The following ZDHHC17 variants were observed in gnomAD, a reference collection of about 807,000 sequenced individuals.
ZDHHC17 encodes the protein zDHHC palmitoyltransferase 17.
ZDHHC17 carries 40 observed loss-of-function variants against 90.3 expected under a neutral mutation model. The observed-to-expected ratio is 0.44, with a 90% CI of 0.34 to 0.58. ZDHHC17 has a LOEUF of 0.58. ZDHHC17 is among the 20% of genes least tolerant of loss of function. The pLI is 0.01. For missense variants in ZDHHC17, 614 were observed against 780.8 expected, an observed-to-expected ratio of 0.79 and a Z score of 2.55; for synonymous variants, 235 against 252.4, an observed-to-expected ratio of 0.93 and a Z score of 0.65.
chr12:76,834,373 TTTAAG>T (rs1225895034), intron 10 of ZDHHC17, among the ~76,000 whole-genome samples: 2 of 152,216 alleles, frequency 1.3e-5, no homozygotes, highest in Non-Finnish European at 2.9e-5. Context: ...TCAATGTGGC[TTTAAG>T]TTAATTGAGC....
At chr12:76,816,066 T>G (rs1179680720) in intron 7 of ZDHHC17, 47 bp downstream of exon 7, 11 of 1,357,856 alleles carry the variant, frequency 8.1e-6, no homozygotes, top group Admixed American at 7.1e-5. Flanking sequence ...GTGGCTAATA[T>G]GTGAATTCTG....
intron 1 of ZDHHC17, among the ~76,000 whole-genome samples, chr12:76,794,294 T>A (rs1952794645): frequency 6.6e-6 from 1 of 152,220 alleles, no homozygotes; most frequent in Admixed American, 6.5e-5. Flanking sequence ...ATGTTAGATA[T>A]GCTTATTTAT....
At chr12:76,834,445 T>TA (rs999493403) in intron 10 of ZDHHC17, among the ~76,000 whole-genome samples, 2 of 152,172 alleles carry the variant, frequency 1.3e-5, no homozygotes, top group African/African-American at 4.8e-5. Flanking sequence ...TTACATATAT[T>TA]AAAAAATCAA....
rs1953177346 is a variant in ZDHHC17, at chr12:76,822,550, A to ATTCT, written c.897+21_897+22insCTTT. ...TGATAAGGTAAACTCATAACTGAAG[A>ATTCT]TTTTTTTTTTTTTTTTTTTTTGAGA... is the stretch of plus-strand genomic sequence containing the variant. On this transcript the variant is annotated intron_variant, in intron 8 of 16. Coordinates refer to ENST00000426126, the MANE Select transcript of ZDHHC17 (RefSeq NM_015336.4). 1.6e-6 allele frequency: 2 copies of ATTCT among 1,215,516 alleles called. No individual in the cohort carries two copies. The highest frequency in any genetic ancestry group is 2.2e-6 in the Non-Finnish European group (2 of 901,354). The allele number at this position is 1,215,516 out of a possible 1,614,324, so 75.3% of individuals were successfully genotyped here.
In ZDHHC17 at chr12:76,764,163, C is replaced by T. The variant is rs1320785741; in HGVS notation, c.-74C>T. ...AGGAGGAGGCCCGCGTCGCCTCCGG[C>T]GGGGCTCGCGCTCGCCCCGCGCTCG... On this transcript the variant is annotated 5_prime_UTR_variant, in exon 1 of 17. Transcript: ENST00000426126. 28 of 1,197,588 alleles carry T rather than the reference C, an allele frequency of 2.3e-5. No individual in the cohort carries two copies. Among genetic ancestry groups the T allele is most frequent in the Non-Finnish European group, 2.5e-5 (22 of 875,086 alleles). The allele number at this position is 1,197,588 out of a possible 1,614,324, so 74.2% of individuals were successfully genotyped here.
At chr12:76,836,141 ATTGTC>A (rs1953359708) in intron 10 of ZDHHC17, among the ~76,000 whole-genome samples, 1 of 151,738 alleles carries the variant, frequency 6.6e-6, no homozygotes, top group Non-Finnish European at 1.5e-5. Context: ...ATTTTTTTGT[ATTGTC>A]TTTGTTATGT....
intron 1 of ZDHHC17, among the ~76,000 whole-genome samples, chr12:76,793,872 G>A (rs1319070748): frequency 6.6e-6 from 1 of 152,024 alleles, no homozygotes; most frequent in Non-Finnish European, 1.5e-5. Context: ...TTAACATCGA[G>A]GAAAAATTAC....
chr12:76,820,330 GA>G (rs1198172331), intron 7 of ZDHHC17, among the ~76,000 whole-genome samples: 1 of 152,068 alleles, frequency 6.6e-6, no homozygotes, highest in Non-Finnish European at 1.5e-5. Flanking sequence ...AAATGATTTG[GA>G]ATACTAAGAA....
At chr12:76,815,833 G>GTTTTTTTTT in intron 6 of ZDHHC17, 24 bp from the exon 7 acceptor site, 1 of 1,141,508 alleles carries the variant, frequency 8.8e-7, no homozygotes, top group Non-Finnish European at 1.2e-6. Context: ...GTTGTTGTTT[G>GTTTTTTTTT]TTTTTTTTTT....
chr12:76,808,006 A>G (rs1952974964), intron 3 of ZDHHC17, among the ~76,000 whole-genome samples: 1 of 152,298 alleles, frequency 6.6e-6, no homozygotes, highest in South Asian at 2.1e-4. Context: ...TTGTTAGGTT[A>G]CTTTGAACCA....
At chr12:76,806,857 G>A (rs1405812531) in intron 3 of ZDHHC17, among the ~76,000 whole-genome samples, 2 of 152,376 alleles carry the variant, frequency 1.3e-5, no homozygotes, top group South Asian at 4.1e-4. Context: ...GCTATGTTAA[G>A]TGCAACACAC....
intron 1 of ZDHHC17, among the ~76,000 whole-genome samples, chr12:76,792,378 G>A (rs1007258627): frequency 6.6e-6 from 1 of 152,168 alleles, no homozygotes; most frequent in African/African-American, 2.4e-5. Flanking sequence ...GACACTTGGC[G>A]AATAGTTGAT....
chr12:76,842,702 A>G (rs1434648680), intron 11 of ZDHHC17, among the ~76,000 whole-genome samples: 1 of 152,176 alleles, frequency 6.6e-6, no homozygotes, highest in African/African-American at 2.4e-5. Flanking sequence ...GCAGATTCTT[A>G]TGGTCTAATC....
intron 1 of ZDHHC17, among the ~76,000 whole-genome samples, chr12:76,790,272 T>A (rs1952744659): frequency 6.6e-6 from 1 of 152,070 alleles, no homozygotes; most frequent in Non-Finnish European, 1.5e-5. Flanking sequence ...GAGGCCGAGG[T>A]GGGTGGATCA....
chr12:76,799,150 A>G (rs1178206162), intron 2 of ZDHHC17, among the ~76,000 whole-genome samples: 1 of 152,124 alleles, frequency 6.6e-6, no homozygotes, highest in Non-Finnish European at 1.5e-5. Context: ...AAAAACAAGC[A>G]AAAAAAGAAT....
intron 7 of ZDHHC17, among the ~76,000 whole-genome samples, chr12:76,817,566 CTAG>C (rs1565789814): frequency 6.6e-6 from 1 of 152,058 alleles, no homozygotes; most frequent in Non-Finnish European, 1.5e-5. Flanking sequence ...GAGTTTGAAA[CTAG>C]TAGTGTGTAT....
At chr12:76,844,734 C>G (rs1010328663) in intron 12 of ZDHHC17, 2 of 152,134 alleles carry the variant, frequency 1.3e-5, no homozygotes, top group African/African-American at 2.4e-5. Flanking sequence ...ATTCACTGTG[C>G]CTTTTCCTTG....
At chr12:76,785,893 A>G (rs979149863) in intron 1 of ZDHHC17, among the ~76,000 whole-genome samples, 1 of 152,154 alleles carries the variant, frequency 6.6e-6, no homozygotes, top group Non-Finnish European at 1.5e-5. Context: ...AGGATTTTGT[A>G]TGATTGCCGA....
At chr12:76,822,133 C>G (rs779678070) in intron 7 of ZDHHC17, among the ~76,000 whole-genome samples, 1 of 152,100 alleles carries the variant, frequency 6.6e-6, no homozygotes. Flanking sequence ...CCAGCAGGTA[C>G]TAAAATACCT....
Sources: allele counts gnomAD v4.1 joint callset (sites outside exome capture counted in the v4.1 genomes callset), GRCh38; gene constraint gnomAD v4.1.1; transcripts MANE v1.5; gene names NCBI Gene and HGNC (gene_info 2026-07-23, HGNC 2026-07-21).